Variants in USP28 observed in about 807,000 individuals in gnomAD.
The protein encoded by USP28 is ubiquitin specific peptidase 28.
Under a neutral mutation model 145.0 loss-of-function variants are expected in USP28, and 113 were observed. The observed-to-expected ratio is 0.78, with a 90% CI of 0.67 to 0.91. The LOEUF (loss-of-function observed/expected upper bound fraction) is 0.91. USP28 is among the 40% of genes least tolerant of loss of function. The pLI, the probability that USP28 is intolerant of heterozygous loss-of-function variation, is 0.00. For synonymous variants in USP28, 447 were observed against 450.9 expected, an observed-to-expected ratio of 0.99 and a Z score of 0.11; for missense variants, 1,201 against 1,289.6, an observed-to-expected ratio of 0.93 and a Z score of 1.05.
At position 113,853,102 on chromosome 11, in the gene USP28, A is replaced by G. The variant is rs115623041; in HGVS notation, c.136-469T>C. ...CAGATCGCTTGAGCCCAGGAATTGG[A>G]GACCAGCTTGAGCAACTTGGCAAAA... On this transcript the variant is annotated intron_variant, in intron 2 of 24. Transcript: ENST00000003302. Among the ~76,000 whole-genome samples, 1,047 of 152,230 alleles carry G rather than the reference A, an allele frequency of 6.9e-3. 12 individuals carry two copies. Among genetic ancestry groups the G allele is most frequent in the African/African-American group, 0.024 (1,009 of 41,528 alleles).
At chr11:113,822,591 G>A (rs1472769579) in intron 12 of USP28, 2 of 122,316 alleles carry the variant, frequency 1.6e-5, no homozygotes, top group Non-Finnish European at 3.8e-5. Flanking sequence ...TGGGATTATA[G>A]GCACATGATA....
exon 20 of USP28, chr11:113,804,982 T>A (rs1173764114): frequency 6.2e-7 from 1 of 1,614,180 alleles, no homozygotes; most frequent in Non-Finnish European, 8.5e-7. Context: ...AAGTCGAGGA[T>A]CACTGTGAGA....
intron 11 of USP28, among the ~76,000 whole-genome samples, chr11:113,824,403 C>T (rs541050514): frequency 3.3e-5 from 5 of 152,018 alleles, no homozygotes; most frequent in East Asian, 2.0e-4. Flanking sequence ...CTGTGACCTC[C>T]GCCTCCCGGG....
In USP28 at chr11:113,808,262, G is replaced by A. The variant is rs183790336; in HGVS notation, c.2304+36C>T. The A allele has an allele frequency of 4.5e-5, 72 of 1,596,092 alleles. No individual in the cohort carries two copies. The East Asian group carries it at 8.7e-4, about 19-fold the overall frequency. ...AACTGGCCATCGCTGCTGAAAGCCC[G>A]GCTCTCCTGAACTTGGGCTTCCCAG... On this transcript the variant is annotated intron_variant, in intron 18 of 24. Coordinates refer to ENST00000003302, the Ensembl canonical transcript of USP28.
intron 1 of USP28, among the ~76,000 whole-genome samples, chr11:113,875,054 T>C (rs1056059553): frequency 6.6e-6 from 1 of 152,158 alleles, no homozygotes; most frequent in Non-Finnish European, 1.5e-5. Context: ...AACGCCGCCA[T>C]AAAACTGATT....
chr11:113,824,610 T>C (rs899934382), intron 11 of USP28, among the ~76,000 whole-genome samples: 11 of 149,458 alleles, frequency 7.4e-5, no homozygotes, highest in Non-Finnish European at 1.3e-4. Flanking sequence ...TGAGCCACCA[T>C]GTCTGGCCGA....
chr11:113,871,032 T>A (rs1371017125), intron 1 of USP28, among the ~76,000 whole-genome samples: 1 of 152,172 alleles, frequency 6.6e-6, no homozygotes, highest in African/African-American at 2.4e-5. Context: ...CACCCAAGAA[T>A]CTTGTCAAAA....
At chr11:113,870,311 G>A (rs1357917971) in intron 1 of USP28, among the ~76,000 whole-genome samples, 4 of 152,210 alleles carry the variant, frequency 2.6e-5, no homozygotes, top group Admixed American at 2.6e-4. Context: ...AGGACTGCTT[G>A]AGCCCAGGAG....
intron 1 of USP28, among the ~76,000 whole-genome samples, chr11:113,855,715 G>A (rs1262235267): frequency 1.3e-5 from 2 of 152,122 alleles, no homozygotes; most frequent in African/African-American, 4.8e-5. Flanking sequence ...TTGGGAGTTC[G>A]AGACCAGCCT....
exon 23 of USP28, chr11:113,803,264 G>T: frequency 6.2e-7 from 1 of 1,612,166 alleles, no homozygotes; most frequent in South Asian, 1.1e-5. Context: ...TACCAGGTAG[G>T]AAAGTGCCTC....
intron 1 of USP28, among the ~76,000 whole-genome samples, chr11:113,874,217 C>A (rs1301093658): frequency 2.0e-5 from 3 of 150,812 alleles, no homozygotes; most frequent in African/African-American, 7.3e-5. Context: ...TCTGGAAGGC[C>A]GAGGCGGGCG....
At chr11:113,863,975 ACGCCTGTAATCCCAG>A (rs1948003647) in intron 1 of USP28, among the ~76,000 whole-genome samples, 1 of 150,728 alleles carries the variant, frequency 6.6e-6, no homozygotes, top group South Asian at 2.1e-4. Context: ...ACGGTGGCTC[ACGCCTGTAATCCCAG>A]CACTTTGGGA....
chr11:113,800,988 G>A (rs959382456), intron 24 of USP28, among the ~76,000 whole-genome samples: 2 of 151,876 alleles, frequency 1.3e-5, no homozygotes, highest in East Asian at 1.9e-4. Context: ...GATTACAGGC[G>A]CCCATGACCA....
chr11:113,836,457 C>T (rs1157165247), intron 5 of USP28, among the ~76,000 whole-genome samples: 1 of 152,158 alleles, frequency 6.6e-6, no homozygotes, highest in African/African-American at 2.4e-5. Flanking sequence ...AACTGCCACG[C>T]AGCTCCTTCT....
chr11:113,835,403 A>G (rs1188460499), intron 5 of USP28: 3 of 453,616 alleles, frequency 6.6e-6, no homozygotes, highest in African/African-American at 4.0e-5. Flanking sequence ...AGCCCCAGGT[A>G]TATTTCCTAA....
intron 4 of USP28, among the ~76,000 whole-genome samples, chr11:113,841,034 G>C (rs1339838948): frequency 6.6e-6 from 1 of 152,120 alleles, no homozygotes. Context: ...TACCATATTA[G>C]AAATTTTAGA....
At chr11:113,808,681 C>T (rs753635701) in intron 17 of USP28, among the ~76,000 whole-genome samples, 4 of 152,192 alleles carry the variant, frequency 2.6e-5, no homozygotes, top group Non-Finnish European at 5.9e-5. Context: ...TTAATGCACT[C>T]CCAACTTTGT....
At chr11:113,819,352 A>C (rs2135590457) in intron 12 of USP28, among the ~76,000 whole-genome samples, 1 of 152,224 alleles carries the variant, frequency 6.6e-6, no homozygotes, top group East Asian at 1.9e-4. Flanking sequence ...ATCTCAACTG[A>C]TCCACCCACC....
At chr11:113,865,917 C>A (rs563602845) in intron 1 of USP28, among the ~76,000 whole-genome samples, 2 of 152,290 alleles carry the variant, frequency 1.3e-5, no homozygotes, top group South Asian at 4.1e-4. Context: ...TACTTTTCTG[C>A]ATCAAAGGGC....
Sources: allele counts gnomAD v4.1 joint callset (sites outside exome capture counted in the v4.1 genomes callset), GRCh38; gene constraint gnomAD v4.1.1; transcripts MANE v1.5; gene names NCBI Gene and HGNC (gene_info 2026-07-23, HGNC 2026-07-21).